PPP2R5C: variants seen among roughly 807,000 people sequenced by gnomAD.
The protein encoded by PPP2R5C is serine/threonine-protein phosphatase 2A 56 kDa regulatory subunit gamma isoform.
A neutral mutation model predicts 68.9 loss-of-function variants in PPP2R5C; 7 were observed. The ratio of observed to expected loss-of-function variants is 0.10; its 90% confidence interval spans 0.06 to 0.19. The LOEUF is 0.19. Ranked by LOEUF, PPP2R5C falls within the 10% of genes least tolerant of loss-of-function variation. The pLI, the probability that PPP2R5C is intolerant of heterozygous loss-of-function variation, is 1.00. For synonymous variants in PPP2R5C, 210 were observed against 222.2 expected, an observed-to-expected ratio of 0.95 and a Z score of 0.49; for missense variants, 348 against 641.3, an observed-to-expected ratio of 0.54 and a Z score of 4.94.
intron 1 of PPP2R5C, chr14:101,824,106 G>A (rs1360097729): frequency 1.4e-5 from 18 of 1,288,908 alleles, no homozygotes; most frequent in South Asian, 4.9e-5. Context: ...TTCGGAGCTC[G>A]CACATCCCGA....
intron 2 of PPP2R5C, among the ~76,000 whole-genome samples, chr14:101,865,198 G>C (rs747686551): frequency 3.9e-5 from 6 of 152,170 alleles, no homozygotes; most frequent in African/African-American, 7.2e-5. Flanking sequence ...GTTAACGGGG[G>C]CAGGCACCCA....
At chr14:101,790,088 T>C (rs61994024) in intron 3 of PPP2R5C, among the ~76,000 whole-genome samples, 5 of 151,690 alleles carry the variant, frequency 3.3e-5, no homozygotes, top group Admixed American at 1.3e-4. Context: ...ATGTCTTTTA[T>C]TTTAACCTTT....
intron 2 of PPP2R5C, among the ~76,000 whole-genome samples, chr14:101,872,659 T>G (rs2043502971): frequency 6.6e-6 from 1 of 152,242 alleles, no homozygotes; most frequent in Admixed American, 6.5e-5. Context: ...TGCCATTCTT[T>G]TCTTTGTTCC....
At chr14:101,905,986 T>A (rs1413837342) in intron 9 of PPP2R5C, among the ~76,000 whole-genome samples, 3 of 152,222 alleles carry the variant, frequency 2.0e-5, no homozygotes, top group Admixed American at 2.0e-4. Context: ...CCCACTAGAA[T>A]GTAAGCTCCG....
chr14:101,800,296 T>A (rs1295746729), intron 3 of PPP2R5C, among the ~76,000 whole-genome samples: 1 of 152,036 alleles, frequency 6.6e-6, no homozygotes, highest in African/African-American at 2.4e-5. Flanking sequence ...GCACGGTGGG[T>A]CATGCCTGTA....
chr14:101,922,116 GA>G, intron 13 of PPP2R5C: 1 of 985,434 alleles, frequency 1.0e-6, no homozygotes. Flanking sequence ...AAGAATTGAC[GA>G]GTTAACGTGG....
At chr14:101,763,529 C>T (rs2036675118) in intron 2 of PPP2R5C, among the ~76,000 whole-genome samples, 1 of 152,050 alleles carries the variant, frequency 6.6e-6, no homozygotes, top group African/African-American at 2.4e-5. Flanking sequence ...ATTACAGGCA[C>T]CCGCTACCAC....
At chr14:101,890,172 G>A in intron 5 of PPP2R5C, 65 bp from the exon 8 acceptor site, 1 of 1,433,820 alleles carries the variant, frequency 7.0e-7, no homozygotes, top group Non-Finnish European at 9.8e-7. Flanking sequence ...GCTCCTCCTA[G>A]AGCATTGTTT....
rs975413240 is a variant in PPP2R5C at position 101,825,468 on chromosome 14, C to T, written c.94+15432C>T. Reference sequence around the variant, plus strand: ...AAAAGGTAGCTTTCCTAGTCCTTATCGTAGAGTGCACGCTCCCAGCTTTTG... The same window carrying T: ...AAAAGGTAGCTTTCCTAGTCCTTATTGTAGAGTGCACGCTCCCAGCTTTTG... On this transcript the variant is annotated intron_variant, in intron 1 of 13. Coordinates refer to ENST00000334743, the Ensembl canonical transcript of PPP2R5C. This position sits in a 1 kb window ranked among gnomAD's most constrained non-coding sequence, Gnocchi z 4.0. 6.6e-6 allele frequency among the ~76,000 whole-genome samples: 1 copy of T among 152,096 alleles called. No individual in the cohort carries two copies. The highest frequency in any genetic ancestry group is 1.9e-4 in the East Asian group (1 of 5,196).
chr14:101,871,177 G>T (rs1566925859), intron 2 of PPP2R5C, among the ~76,000 whole-genome samples: 1 of 151,956 alleles, frequency 6.6e-6, no homozygotes, highest in Non-Finnish European at 1.5e-5. Context: ...CGTAAAGTGG[G>T]TGTATGGTAG....
At chr14:101,911,097 C>T (rs186177985) in intron 11 of PPP2R5C, among the ~76,000 whole-genome samples, 416 of 142,364 alleles carry the variant, frequency 2.9e-3, no homozygotes, top group African/African-American at 0.011. Flanking sequence ...AGAGAGACTC[C>T]GTCTCAAAAA....
intron 2 of PPP2R5C, among the ~76,000 whole-genome samples, chr14:101,777,757 A>C (rs2037496697): frequency 6.6e-6 from 1 of 152,196 alleles, no homozygotes; most frequent in Non-Finnish European, 1.5e-5. Flanking sequence ...TTCCAATTGT[A>C]GTTCCACGTC....
intron 2 of PPP2R5C, among the ~76,000 whole-genome samples, chr14:101,858,056 C>G (rs1461489391): frequency 3.9e-5 from 6 of 152,160 alleles, no homozygotes; most frequent in Admixed American, 3.9e-4. Flanking sequence ...GCATGGCTAC[C>G]ATGTAGTCGG....
chr14:101,853,160 C>G (rs779777517), intron 1 of PPP2R5C, among the ~76,000 whole-genome samples: 1 of 147,786 alleles, frequency 6.8e-6, no homozygotes, highest in Non-Finnish European at 1.5e-5. Flanking sequence ...AACTTGTATT[C>G]AAAAAAAAAT....
At chr14:101,761,997 T>A in intron 1 of PPP2R5C, 77 bp downstream of exon 1, 1 of 1,146,040 alleles carries the variant, frequency 8.7e-7, no homozygotes, top group Non-Finnish European at 1.1e-6. Flanking sequence ...ACCGGGGTCC[T>A]GCGCCCGGGC....
At chr14:101,818,747 T>A (rs574218335) in intron 1 of PPP2R5C, 11 of 334,744 alleles carry the variant, frequency 3.3e-5, no homozygotes, top group Non-Finnish European at 5.0e-5. Flanking sequence ...TTAAATAATA[T>A]TTGAAATAAG....
At chr14:101,848,350 G>A (rs1224966345) in intron 1 of PPP2R5C, among the ~76,000 whole-genome samples, 1 of 151,972 alleles carries the variant, frequency 6.6e-6, no homozygotes, top group Non-Finnish European at 1.5e-5. Context: ...GGCCAATGTG[G>A]TGAAACCCCA....
chr14:101,764,047 G>A (rs560675512), intron 2 of PPP2R5C, among the ~76,000 whole-genome samples: 4 of 152,232 alleles, frequency 2.6e-5, no homozygotes, highest in Non-Finnish European at 4.4e-5. Flanking sequence ...GCACTTGCGC[G>A]TCGGCCACTT....
Position 101,924,445 on chromosome 14 carries a change from C to CTTTTTTTT in PPP2R5C, c.1444-691_1444-684dup, listed in dbSNP as rs11325673. Among the ~76,000 whole-genome samples the CTTTTTTTT allele has an allele frequency of 5.3e-4, 45 of 84,536 alleles. 8 individuals carry two copies. The highest frequency in any genetic ancestry group is 7.4e-4 in the African/African-American group (17 of 23,064). 55.5% of individuals were successfully genotyped at this position (84,536 alleles called of 152,430 possible). A position where few individuals can be genotyped will look rare whatever the true frequency, so the allele number is the denominator to read the frequency against. On this transcript the variant is annotated intron_variant, in intron 13 of 13. Coordinates refer to ENST00000334743, the Ensembl canonical transcript of PPP2R5C. Reference sequence around the variant, plus strand: ...TTTACCTCCAAGGAAATTTCTACATCTTTTTTTTTTTTGAGATGGAGTCTG... The same window carrying CTTTTTTTT: ...TTTACCTCCAAGGAAATTTCTACATCTTTTTTTTTTTTTTTTTTTTGAGATGGAGTCTG...
Sources: gnomAD v4.1 joint callset for allele counts (sites outside exome capture counted in the v4.1 genomes callset) on GRCh38, gnomAD v4.1.1 for gene constraint, Gnocchi (gnomAD v3.1) non-coding constraint, MANE v1.5 for transcripts, NCBI Gene and HGNC (gene_info 2026-07-23, HGNC 2026-07-21) for gene names.